Variants in TCF20 observed in about 807,000 individuals in gnomAD.
TCF20 encodes the protein SPRE-binding protein.
Under a neutral mutation model 148.6 loss-of-function variants are expected in TCF20, and 3 were observed. The ratio of observed to expected loss-of-function variants is 0.02; its 90% CI spans 0.01 to 0.05. The LOEUF (loss-of-function observed/expected upper bound fraction) is 0.05. Among genes scored for constraint, TCF20 ranks in the 10% least tolerant of loss-of-function variants. The pLI is 1.00. For synonymous variants in TCF20, 1,049 were observed against 909.5 expected, an observed-to-expected ratio of 1.15 and a Z score of -2.76; for missense variants, 2,350 against 2,429.3, an observed-to-expected ratio of 0.97 and a Z score of 0.69.
intron 1 of TCF20, among the ~76,000 whole-genome samples, chr22:42,277,797 C>G (rs1926813030): frequency 6.6e-6 from 1 of 152,216 alleles, no homozygotes; most frequent in Non-Finnish European, 1.5e-5. Context: ...AGTGCAGGCC[C>G]TGTGTCACGT....
At chr22:42,204,150 T>C (rs1938226794) in intron 2 of TCF20, among the ~76,000 whole-genome samples, 1 of 151,932 alleles carries the variant, frequency 6.6e-6, no homozygotes, top group Non-Finnish European at 1.5e-5. Context: ...GTGAGTCTGT[T>C]AGATGGGGGA....
chr22:42,279,511 T>C lies in TCF20; in HGVS notation c.-37+4316A>G, dbSNP rs1926854028. Among the ~76,000 whole-genome samples the C allele has an allele frequency of 6.6e-6, 1 of 152,180 alleles. No individual in the cohort carries two copies. The highest frequency in any genetic ancestry group is 1.5e-5 in the Non-Finnish European group (1 of 68,032). ...TAAAATAAGGAAGGACAGAGGGCAA[T>C]GTGACCTTCGGCAAGCTCCCTAAGC... On this transcript the variant is annotated intron_variant, in intron 1 of 5. Coordinates refer to the TCF20 transcript ENST00000359486. The surrounding 1 kb of genome is among the most constrained non-coding windows in gnomAD (Gnocchi z 4.3).
intron 1 of TCF20, among the ~76,000 whole-genome samples, chr22:42,332,894 G>A (rs1928001687): frequency 6.6e-6 from 1 of 152,222 alleles, no homozygotes; most frequent in Non-Finnish European, 1.5e-5. Flanking sequence ...CAGATGCCAG[G>A]AGTGGGGGCA....
At chr22:42,169,817 T>C (rs1351107052) in intron 4 of TCF20, 30 bp downstream of exon 4, 1 of 1,612,778 alleles carries the variant, frequency 6.2e-7, no homozygotes, top group Non-Finnish European at 8.5e-7. Context: ...ATCCCATCCC[T>C]GCTGGTAGCT....
At chr22:42,175,530 AG>A (rs1282853933) in intron 3 of TCF20, among the ~76,000 whole-genome samples, 1 of 151,950 alleles carries the variant, frequency 6.6e-6, no homozygotes, top group Non-Finnish European at 1.5e-5. Flanking sequence ...TAGTAGTGAC[AG>A]GGTTTCACCA....
intron 1 of TCF20, among the ~76,000 whole-genome samples, chr22:42,219,065 C>T (rs1457951634): frequency 6.6e-6 from 1 of 151,948 alleles, no homozygotes; most frequent in Admixed American, 6.6e-5. Context: ...ATACCAACGA[C>T]AGAAAATGTA....
intron 1 of TCF20, among the ~76,000 whole-genome samples, chr22:42,309,994 C>G (rs958352662): frequency 6.6e-6 from 1 of 152,268 alleles, no homozygotes; most frequent in Non-Finnish European, 1.5e-5. Flanking sequence ...TGCACAGGGC[C>G]TGGTGCCCAG....
chr22:42,207,768 T>C (rs566329814), intron 2 of TCF20, among the ~76,000 whole-genome samples: 1 of 152,214 alleles, frequency 6.6e-6, no homozygotes, highest in East Asian at 1.9e-4. Flanking sequence ...TGAGCTGAGA[T>C]TGCGCCATTG....
At chr22:42,273,024 T>A (rs1294831183), upstream of TCF20, among the ~76,000 whole-genome samples, 8 of 149,998 alleles carry the variant, frequency 5.3e-5, no homozygotes, top group South Asian at 4.2e-4. Flanking sequence ...GAAAAAAATT[T>A]TTTTTTAATT....
At chr22:42,219,355 CAAAAAAA>C (rs528664836) in intron 1 of TCF20, among the ~76,000 whole-genome samples, 40 of 43,560 alleles carry the variant, frequency 9.2e-4, no homozygotes, top group Non-Finnish European at 1.3e-3. Flanking sequence ...AACCCTGTCT[CAAAAAAA>C]AAAAAAAAAA....
rs151190006 is a variant in TCF20, at chr22:42,242,202, CAAAAA to C, written c.-36-26866_-36-26862del. ...TGGGCGACAGAGCGAGACTTCGCCT[CAAAAA>C]AAAAAAAAAAAAAAAAAAAACAGAA... On this transcript the variant is annotated intron_variant, in intron 1 of 5. Transcript: ENST00000677622. 9.9e-4 allele frequency among the ~76,000 whole-genome samples: 59 copies of C among 59,810 alleles called. 1 individual carries two copies. The highest frequency in any genetic ancestry group is 3.5e-3 in the African/African-American group (39 of 11,038). 39.2% of individuals were successfully genotyped at this position (59,810 alleles called of 152,430 possible).
intron 1 of TCF20, among the ~76,000 whole-genome samples, chr22:42,241,053 A>T (rs1394582395): frequency 1.3e-5 from 2 of 152,074 alleles, no homozygotes; most frequent in Non-Finnish European, 2.9e-5. Flanking sequence ...AGGGGGTTTC[A>T]CCATGTTGGC....
At chr22:42,300,139 C>A (rs1601698379) in intron 1 of TCF20, among the ~76,000 whole-genome samples, 1 of 152,048 alleles carries the variant, frequency 6.6e-6, no homozygotes, top group East Asian at 1.9e-4. Context: ...TCTGGAATAT[C>A]AGGGGGTTAG....
intron 1 of TCF20, among the ~76,000 whole-genome samples, chr22:42,315,960 A>G (rs556011455): frequency 6.6e-6 from 1 of 152,130 alleles, no homozygotes; most frequent in East Asian, 1.9e-4. Flanking sequence ...TTAAAAATAC[A>G]AAAAATTAGC....
At chr22:42,302,310 G>A (rs776833724) in intron 1 of TCF20, among the ~76,000 whole-genome samples, 4 of 152,178 alleles carry the variant, frequency 2.6e-5, no homozygotes, top group South Asian at 2.1e-4. Flanking sequence ...CAAAAGAGAC[G>A]GTCTCTGTGG....
rs1486156271 is a variant in TCF20, at chr22:42,214,240, A to C, written c.1066T>G (p.Ser356Ala). ...AAGTTCTGGTGAAACTGCATGGGGG[A>C]CCTCACAGGAACCTCAGGCTGGTTG... is the stretch of plus-strand genomic sequence containing the variant. ...QYNQPEVPVR[S>A]PMQFHQNFSP... Residue 356 changes from serine (S) to alanine (A), a missense_variant, in exon 2 of 6, where the codon TCC becomes GCC. Around this residue, in one of 7 missense-constraint regions of TCF20, gnomAD observed 1,641 missense variants for 1,662.6 expected, o/e 0.99. Coordinates refer to ENST00000677622, the MANE Select transcript of TCF20 (RefSeq NM_001378418.1). 6.2e-7 allele frequency: 1 copy of C among 1,613,962 alleles called. No homozygotes were observed. The highest frequency in any genetic ancestry group is 8.5e-7 in the Non-Finnish European group (1 of 1,180,034).
intron 1 of TCF20, among the ~76,000 whole-genome samples, chr22:42,323,063 C>T (rs1164504730): frequency 2.6e-5 from 4 of 151,660 alleles, no homozygotes; most frequent in African/African-American, 7.3e-5. Context: ...CCTGCCACCA[C>T]GACTGGCTGA....
At chr22:42,209,516 T>C (rs909307396) in intron 2 of TCF20, 135 bp downstream of exon 2, 1 of 1,055,014 alleles carries the variant, frequency 9.5e-7, no homozygotes, top group Non-Finnish European at 1.4e-6. Context: ...ACCTATTTCA[T>C]TTTCTGTCCA....
chr22:42,257,733 T>C (rs1925818726), intron 1 of TCF20, among the ~76,000 whole-genome samples: 1 of 152,220 alleles, frequency 6.6e-6, no homozygotes, highest in Non-Finnish European at 1.5e-5. Flanking sequence ...AGAGAGATGA[T>C]GAGCTGCTCT....
Sources: gnomAD v4.1 joint callset for allele counts (sites outside exome capture counted in the v4.1 genomes callset) on GRCh38, gnomAD v4.1.1 for gene constraint, gnomAD v4.1.1 regional missense constraint, Gnocchi (gnomAD v3.1) non-coding constraint, MANE v1.5 for transcripts, NCBI Gene and HGNC (gene_info 2026-07-23, HGNC 2026-07-21) for gene names.